ADARB2: variants seen among roughly 807,000 people sequenced by gnomAD.
ADARB2 encodes adenosine deaminase RNA specific B2 (inactive), also known as inactive double-stranded RNA-specific editase B2.
Under a neutral mutation model 62.2 loss-of-function variants are expected in ADARB2, and 25 were observed. The ratio of observed to expected loss-of-function variants is 0.40; its 90% confidence interval spans 0.29 to 0.56. The LOEUF (loss-of-function observed/expected upper bound fraction) is 0.56. Ranked by LOEUF, ADARB2 falls within the 20% of genes least tolerant of loss-of-function variation. ADARB2 has a pLI of 0.43. For missense variants in ADARB2, 1,071 were observed against 1,077.4 expected (o/e 0.99, Z 0.08); for synonymous variants, 572 against 500.8 (o/e 1.14, Z -1.90).
intron 1 of ADARB2, among the ~76,000 whole-genome samples, chr10:1,636,509 C>T (rs139576858): frequency 2.0e-5 from 3 of 151,990 alleles, no homozygotes; most frequent in African/African-American, 4.8e-5. Context: ...AGTGAGAAAC[C>T]CTGTAAAAAA....
intron 1 of ADARB2, among the ~76,000 whole-genome samples, chr10:1,666,126 G>T (rs1168330354): frequency 6.6e-6 from 1 of 152,220 alleles, no homozygotes; most frequent in Non-Finnish European, 1.5e-5. Flanking sequence ...GAGTAGAGGA[G>T]ATGGCACCGC....
chr10:1,365,171 C>T (rs1413536950), intron 2 of ADARB2, among the ~76,000 whole-genome samples: 11 of 152,132 alleles, frequency 7.2e-5, no homozygotes, highest in Admixed American at 7.2e-4. Flanking sequence ...CGCGCCTGGC[C>T]ACATTTTGGT....
chr10:1,359,539 T>C (rs1832229922), intron 3 of ADARB2, among the ~76,000 whole-genome samples: 1 of 152,350 alleles, frequency 6.6e-6, no homozygotes, highest in South Asian at 2.1e-4. Context: ...CACACAAGTC[T>C]ATCGTACGTC....
Position 1,200,033 on chromosome 10 carries a change from C to T in ADARB2, c.1797G>A (p.Met599Ile), listed in dbSNP as rs765680338. ...LHHTGHLARV[M>I]SHRMEGVGQL... ...GGCCGACACCCTCCATGCGGTGGCT[C>T]ATGACGCGTGCGAGGTGGCCCGTGT... Residue 599 changes from methionine to isoleucine, a missense_variant, in exon 8 of 10, where the codon ATG (methionine) becomes ATA (isoleucine). Transcript: ENST00000381312. The T allele has an allele frequency of 3.8e-6, 6 of 1,595,810 alleles. No individual in the cohort carries two copies. The highest frequency in any genetic ancestry group is 8.5e-7 in the Non-Finnish European group (1 of 1,176,292).
In ADARB2 at chr10:1,255,095, C is replaced by A. The variant is rs1831068428; in HGVS notation, c.1193-12796G>T. Among the ~76,000 whole-genome samples the A allele has an allele frequency of 6.6e-6, 1 of 152,264 alleles. No individual in the cohort carries two copies. The highest frequency in any genetic ancestry group is 6.5e-5 in the Admixed American group (1 of 15,288). ...ACTTTCAGGTGCTGAGACTGCCAGT[C>A]ATGCCGGGGCTCAGCCCCAGTGAGG... On this transcript the variant is annotated intron_variant, in intron 4 of 9. Coordinates refer to ENST00000381312, the MANE Select transcript of ADARB2 (RefSeq NM_018702.4). This position sits in a 1 kb window ranked among gnomAD's most constrained non-coding sequence, Gnocchi z 4.7.
At chr10:1,657,642 G>T (rs1425539234) in intron 1 of ADARB2, among the ~76,000 whole-genome samples, 1 of 152,184 alleles carries the variant, frequency 6.6e-6, no homozygotes. Flanking sequence ...CCAAGTAACA[G>T]ACCTCAGAAG....
chr10:1,188,763 G>T (rs1014341862), intron 8 of ADARB2, among the ~76,000 whole-genome samples: 1 of 152,212 alleles, frequency 6.6e-6, no homozygotes, highest in Non-Finnish European at 1.5e-5. Context: ...CAGATCCCTG[G>T]AGTCTAATGT....
intron 2 of ADARB2, among the ~76,000 whole-genome samples, chr10:1,378,365 C>T (rs1213646278): frequency 1.3e-5 from 2 of 152,154 alleles, no homozygotes; most frequent in African/African-American, 4.8e-5. Context: ...ACAAACCGCG[C>T]TCTAAGACAC....
chr10:1,661,937 A>G (rs1564361305), intron 1 of ADARB2, among the ~76,000 whole-genome samples: 1 of 152,174 alleles, frequency 6.6e-6, no homozygotes, highest in Non-Finnish European at 1.5e-5. Flanking sequence ...ATCAGGCTGA[A>G]GAAAGGGAAA....
At chr10:1,364,747 G>A (rs969781101) in intron 2 of ADARB2, among the ~76,000 whole-genome samples, 2 of 152,128 alleles carry the variant, frequency 1.3e-5, no homozygotes, top group African/African-American at 2.4e-5. Context: ...CTCCTTGTTC[G>A]GCTTCCCAGG....
chr10:1,406,189 G>A (rs528574300), intron 1 of ADARB2, among the ~76,000 whole-genome samples: 1 of 152,346 alleles, frequency 6.6e-6, no homozygotes, highest in East Asian at 1.9e-4. Flanking sequence ...TCTGTGGATT[G>A]CAATGTCACC....
chr10:1,293,541 C>T (rs1325144173), intron 3 of ADARB2, among the ~76,000 whole-genome samples: 4 of 152,182 alleles, frequency 2.6e-5, no homozygotes, highest in Admixed American at 6.5e-5. Context: ...AGGGCATTCT[C>T]GCTGGAAAGG....
chr10:1,587,554 A>C (rs952559069), intron 1 of ADARB2, among the ~76,000 whole-genome samples: 17 of 151,854 alleles, frequency 1.1e-4, no homozygotes, highest in African/African-American at 3.9e-4. Flanking sequence ...TTTTTTTTTC[A>C]TAAGCACTTA....
intron 1 of ADARB2, among the ~76,000 whole-genome samples, chr10:1,527,808 A>G (rs1391512624): frequency 6.6e-6 from 1 of 152,210 alleles, no homozygotes; most frequent in Non-Finnish European, 1.5e-5. Flanking sequence ...TGGCAAGAAC[A>G]TCAGATGGAC....
chr10:1,466,829 G>A (rs372179096), intron 1 of ADARB2, among the ~76,000 whole-genome samples: 6 of 152,156 alleles, frequency 3.9e-5, no homozygotes, highest in Middle Eastern at 3.2e-3. Flanking sequence ...ATCAGAAGCC[G>A]CCTGGGTCTT....
intron 2 of ADARB2, among the ~76,000 whole-genome samples, chr10:1,375,815 ATGCACACACACACG>A (rs1323154416): frequency 2.6e-5 from 1 of 38,114 alleles, no homozygotes; most frequent in Non-Finnish European, 2.6e-4. Context: ...CACCACACAC[ATGCACACACACACG>A]TGCACACACC....
chr10:1,245,444 G>A (rs1220823486), intron 4 of ADARB2, among the ~76,000 whole-genome samples: 1 of 151,872 alleles, frequency 6.6e-6, no homozygotes, highest in African/African-American at 2.4e-5. Flanking sequence ...CTGTTAACTT[G>A]TCATTTAACA....
At chr10:1,270,029 T>C (rs1489666199) in intron 4 of ADARB2, among the ~76,000 whole-genome samples, 1 of 152,178 alleles carries the variant, frequency 6.6e-6, no homozygotes, top group Non-Finnish European at 1.5e-5. Flanking sequence ...CCCAGCTACA[T>C]TGTAAGAAAG....
chr10:1,646,235 C>A (rs1318613278), intron 1 of ADARB2, among the ~76,000 whole-genome samples: 1 of 152,240 alleles, frequency 6.6e-6, no homozygotes, highest in Admixed American at 6.5e-5. Flanking sequence ...TCCAGCCTAG[C>A]TCGTGACAGT....
Sources: gnomAD v4.1 joint callset for allele counts (sites outside exome capture counted in the v4.1 genomes callset) on GRCh38, gnomAD v4.1.1 for gene constraint, Gnocchi (gnomAD v3.1) non-coding constraint, MANE v1.5 for transcripts, NCBI Gene and HGNC (gene_info 2026-07-23, HGNC 2026-07-21) for gene names.